Variants in TMPO observed in about 807,000 individuals in gnomAD.
TMPO encodes LEM domain containing 4.
Under a neutral mutation model 45.4 loss-of-function variants are expected in TMPO, and 22 were observed. The ratio of observed to expected loss-of-function variants is 0.48; its 90% CI spans 0.35 to 0.69. TMPO has a LOEUF of 0.69. Among genes scored for constraint, TMPO ranks in the 30% least tolerant of loss-of-function variants. TMPO has a pLI of 0.01. For synonymous variants in TMPO, 241 were observed against 204.1 expected (o/e 1.18, Z -1.54); for missense variants, 512 against 548.8 (o/e 0.93, Z 0.67).
intron 1 of TMPO, among the ~76,000 whole-genome samples, chr12:98,520,861 C>T (rs1161471793): frequency 2.0e-5 from 3 of 152,138 alleles, no homozygotes; most frequent in South Asian, 2.1e-4. Context: ...CATGAGCCAC[C>T]GCTCCCGGCC....
At chr12:98,534,586 A>G (rs1877455944) in intron 3 of TMPO, 4 of 1,275,066 alleles carry the variant, frequency 3.1e-6, no homozygotes, top group African/African-American at 1.5e-5. Context: ...ATTAGTCTCT[A>G]AGTTGTTTTC....
At position 98,548,205 on chromosome 12, in the gene TMPO, T is replaced by C. The variant is rs1481172777; in HGVS notation, c.*347T>C. On this transcript the variant is annotated 3_prime_UTR_variant, in exon 9 of 9. Transcript: ENST00000556029. ...CGAAGGGTGAAACATGGTAGTATAA[T>C]GTGAAGCTACACATTTAAATACTTA... is the stretch of plus-strand genomic sequence containing the variant. The C allele has an allele frequency of 5.1e-6, 1 of 195,406 alleles. No individual in the cohort carries two copies. Among genetic ancestry groups the C allele is most frequent in the African/African-American group, 2.4e-5 (1 of 42,044 alleles). 12.1% of individuals were successfully genotyped at this position (195,406 alleles called of 1,614,324 possible). A position where few individuals can be genotyped will look rare whatever the true frequency, so the allele number is the denominator to read the frequency against.
chr12:98,544,639 T>G lies in TMPO; in HGVS notation c.879+102T>G, dbSNP rs888685287. 7 of 599,572 alleles carry G rather than the reference T, an allele frequency of 1.2e-5. No homozygotes were observed. In the Admixed American group the frequency reaches 2.6e-4, roughly 23 times the overall value. 37.1% of individuals were successfully genotyped at this position (599,572 alleles called of 1,614,324 possible). A position where few individuals can be genotyped will look rare whatever the true frequency, so the allele number is the denominator to read the frequency against. ...TTTTGGCAAATCTCAAATTTACATG[T>G]TTTTTTTTTTTAACAATTTTAAACT... On this transcript the variant is annotated intron_variant, in intron 6 of 8. Transcript: ENST00000556029.
intron 1 of TMPO, among the ~76,000 whole-genome samples, chr12:98,524,794 G>A (rs111400590): frequency 0.024 from 3,642 of 152,086 alleles, 146 homozygotes; most frequent in African/African-American, 0.083. Flanking sequence ...GGGTTTCACC[G>A]TGTTGGCCAT....
chr12:98,531,678 AG>A lies in TMPO; in HGVS notation c.407del. ...ACTAAAGCAAGTTCTGCCTTAATCC[AG>A]GAACAACCAGGAAGCTATATGAGAA... On this transcript the variant is annotated splice_acceptor_variant, in intron 2 of 8. Coordinates refer to ENST00000556029, the MANE Select transcript of TMPO (RefSeq NM_001032283.3). LOFTEE classifies it high-confidence loss of function. The A allele has an allele frequency of 6.2e-7, 1 of 1,612,294 alleles. No homozygotes were observed. Among genetic ancestry groups the A allele is most frequent in the Non-Finnish European group, 8.5e-7 (1 of 1,179,928 alleles).
chr12:98,537,600 A>G (rs1877649540), intron 4 of TMPO, 28 bp downstream of exon 4: 3 of 1,541,628 alleles, frequency 1.9e-6, no homozygotes, highest in Middle Eastern at 1.7e-4. Context: ...ACCACCGTGT[A>G]CAGGTATAAA....
intron 8 of TMPO, among the ~76,000 whole-genome samples, chr12:98,546,843 T>G (rs539549696): frequency 3.3e-5 from 5 of 152,332 alleles, no homozygotes; most frequent in African/African-American, 9.6e-5. Flanking sequence ...ATTCATATGT[T>G]AAAATCTAAA....
In TMPO at chr12:98,533,184, T is replaced by G. The variant is rs774747367; in HGVS notation, c.565+1346T>G. The stretch of plus-strand genomic sequence containing the variant: ...GTGCCATGTTGGTCTCTACTGCAGC[T>G]TCTCCTTCACTGATTAAAGAAACCA... On this transcript the variant is annotated intron_variant, in intron 3 of 8. Coordinates refer to ENST00000556029, the MANE Select transcript of TMPO (RefSeq NM_001032283.3). 8.1e-6 allele frequency: 13 copies of G among 1,614,034 alleles called. No individual in the cohort carries two copies. The Admixed American group carries it at 2.0e-4, about 25-fold the overall frequency.
chr12:98,539,535 C>T (rs1216805029), intron 4 of TMPO, among the ~76,000 whole-genome samples: 1 of 145,272 alleles, frequency 6.9e-6, no homozygotes, highest in Non-Finnish European at 1.5e-5. Flanking sequence ...TGCAGTGGCA[C>T]AATCTCGGCT....
At chr12:98,534,610 A>G in intron 3 of TMPO, 2 of 1,229,938 alleles carry the variant, frequency 1.6e-6, no homozygotes, top group Non-Finnish European at 2.0e-6. Flanking sequence ...TTCCTGCTTT[A>G]CTTATGTTTT....
At chr12:98,517,599 A>T (rs962238445) in intron 1 of TMPO, among the ~76,000 whole-genome samples, 40 of 152,246 alleles carry the variant, frequency 2.6e-4, no homozygotes, top group African/African-American at 8.2e-4. Context: ...TAATAGACAC[A>T]TGTAAATTTA....
intron 3 of TMPO, chr12:98,534,308 G>T: frequency 6.2e-7 from 1 of 1,613,000 alleles, no homozygotes; most frequent in Non-Finnish European, 8.5e-7. Flanking sequence ...GGAGAAGTAT[G>T]CAAAGTAATT....
chr12:98,536,258 C>T (rs145959964), intron 3 of TMPO, among the ~76,000 whole-genome samples: 50 of 152,218 alleles, frequency 3.3e-4, no homozygotes, highest in Admixed American at 5.2e-4. Flanking sequence ...TCTGTCTCTT[C>T]AGTAAGAAAG....
rs538981279 is a variant in TMPO at position 98,535,400 on chromosome 12, G to A, written c.566-2075G>A. The A allele has an allele frequency of 1.2e-5, 12 of 985,326 alleles. No individual in the cohort carries two copies. In the East Asian group the frequency reaches 1.1e-3, roughly 93 times the overall value. The allele number at this position is 985,326 out of a possible 1,614,324, so 61.0% of individuals were successfully genotyped here. On this transcript the variant is annotated intron_variant, in intron 3 of 8. Coordinates refer to ENST00000556029, the MANE Select transcript of TMPO (RefSeq NM_001032283.3). The stretch of plus-strand genomic sequence containing the variant: ...AGAGTCTTAACTGCAGAGGTATTGT[G>A]GAAAGTAGTAGCCTTAAGCATAATA...
chr12:98,545,073 C>A lies in TMPO; in HGVS notation c.990+12C>A. ...TGACAAGAGCTGAAGTAAATGAATA[C>A]AATTTAGATCGATGCTATCATTGAT... On this transcript the variant is annotated intron_variant, in intron 7 of 8. Transcript: ENST00000556029. 1 of 1,448,338 alleles carries A rather than the reference C, an allele frequency of 6.9e-7. No individual in the cohort carries two copies. Among genetic ancestry groups the A allele is most frequent in the Non-Finnish European group, 9.6e-7 (1 of 1,040,196 alleles). 89.7% of individuals were successfully genotyped at this position (1,448,338 alleles called of 1,614,324 possible).
chr12:98,522,293 G>T (rs1040819798), intron 1 of TMPO, among the ~76,000 whole-genome samples: 1 of 152,170 alleles, frequency 6.6e-6, no homozygotes, highest in African/African-American at 2.4e-5. Context: ...GGGATTGTAG[G>T]TGTGAGCTGC....
chr12:98,532,269 A>G (rs946458227), intron 3 of TMPO: 1 of 163,804 alleles, frequency 6.1e-6, no homozygotes, highest in Non-Finnish European at 1.3e-5. Flanking sequence ...TAAAAAATTT[A>G]TATAAACAGT....
chr12:98,528,701 G>A (rs1251727372), intron 2 of TMPO, among the ~76,000 whole-genome samples: 1 of 149,190 alleles, frequency 6.7e-6, no homozygotes, highest in South Asian at 2.3e-4. Context: ...GCTCACACCT[G>A]TAATCCCAAC....
chr12:98,544,274 A>T lies in TMPO; in HGVS notation c.708A>T (p.Gly236=). The stretch of plus-strand genomic sequence containing the variant: ...TAACTGAGACTGAATGGACAAGTGG[A>T]TCTTCAAAAGGCGGACCTCTGCAGG... The part of the protein sequence containing the change: ...AGITETEWTS[G]SSKGGPLQAL... The change falls in exon 5 of 9, where the codon GGA becomes GGT. Residue 236 remains glycine, a synonymous_variant. Coordinates refer to ENST00000556029, the MANE Select transcript of TMPO (RefSeq NM_001032283.3). 1 of 1,614,004 alleles carries T rather than the reference A, an allele frequency of 6.2e-7. No individual in the cohort carries two copies. The highest frequency in any genetic ancestry group is 8.5e-7 in the Non-Finnish European group (1 of 1,179,892).
Sources: allele counts gnomAD v4.1 joint callset (sites outside exome capture counted in the v4.1 genomes callset), GRCh38; gene constraint gnomAD v4.1.1; transcripts MANE v1.5; gene names NCBI Gene and HGNC (gene_info 2026-07-23, HGNC 2026-07-21).